Variants in BRD10 observed in about 807,000 individuals in gnomAD.
BRD10 encodes the protein uncharacterized bromodomain-containing protein 10.
the BRD10 span, among the ~76,000 whole-genome samples, chr9:5,976,137 G>A: frequency 6.6e-6 from 1 of 152,148 alleles, no homozygotes; most frequent in African/African-American, 2.4e-5. Context: ...AGCTGGGTAA[G>A]ACTGCTGCCT....
At chr9:5,889,645 T>A in the BRD10 span, among the ~76,000 whole-genome samples, 2 of 152,074 alleles carry the variant, frequency 1.3e-5, no homozygotes, top group East Asian at 3.9e-4. Context: ...ATTTGCCAGG[T>A]GTGGTGGCGT....
chr9:5,901,386 C>A, the BRD10 span, among the ~76,000 whole-genome samples: 1 of 152,152 alleles, frequency 6.6e-6, no homozygotes, highest in Non-Finnish European at 1.5e-5. Flanking sequence ...GTAAGTTTCC[C>A]TTTATCCCTC....
chr9:5,967,921 G>T, the BRD10 span: 1 of 730,856 alleles, frequency 1.4e-6, no homozygotes, highest in Non-Finnish European at 2.2e-6. Flanking sequence ...GCATACATGT[G>T]CATTTTACTC....
the BRD10 span, among the ~76,000 whole-genome samples, chr9:5,990,752 G>A: frequency 6.6e-6 from 1 of 152,220 alleles, no homozygotes; most frequent in Admixed American, 6.5e-5. Context: ...TGGAAAGGAT[G>A]TAAGGAAGGA....
the BRD10 span, chr9:5,920,223 G>A: frequency 6.2e-7 from 1 of 1,612,846 alleles, no homozygotes; most frequent in Non-Finnish European, 8.5e-7. Context: ...CCACTGTTAA[G>A]AACTAAGGGG....
chr9:5,933,719 T>G, the BRD10 span: 1 of 465,862 alleles, frequency 2.1e-6, no homozygotes, highest in African/African-American at 2.0e-5. Flanking sequence ...TGCATCTCTA[T>G]GTATGTGAAA....
At chr9:6,003,024 G>A in the BRD10 span, among the ~76,000 whole-genome samples, 2 of 152,044 alleles carry the variant, frequency 1.3e-5, no homozygotes, top group Non-Finnish European at 2.9e-5. Context: ...AAAATATTCT[G>A]CCAACTAAAA....
the BRD10 span, among the ~76,000 whole-genome samples, chr9:5,959,676 A>G: frequency 2.0e-5 from 3 of 152,188 alleles, no homozygotes; most frequent in African/African-American, 7.2e-5. Context: ...TGCTATCACT[A>G]CAGAACTATA....
the BRD10 span, chr9:6,007,162 C>G: frequency 1.9e-6 from 3 of 1,592,672 alleles, no homozygotes; most frequent in African/African-American, 2.7e-5. Context: ...TTGTGTCAGT[C>G]TGTCAGTCCC....
At chr9:5,934,493 G>C in the BRD10 span, among the ~76,000 whole-genome samples, 1 of 151,162 alleles carries the variant, frequency 6.6e-6, no homozygotes, top group Non-Finnish European at 1.5e-5. Flanking sequence ...CTAGTAGCTA[G>C]AATTACAGAT....
At chr9:5,906,481 A>G in the BRD10 span, among the ~76,000 whole-genome samples, 1 of 152,242 alleles carries the variant, frequency 6.6e-6, no homozygotes, top group Non-Finnish European at 1.5e-5. Context: ...GTTTCCTGCA[A>G]GGCAGGTCTA....
chr9:5,904,798 G>C, the BRD10 span, among the ~76,000 whole-genome samples: 5 of 136,172 alleles, frequency 3.7e-5, no homozygotes, highest in Non-Finnish European at 7.9e-5. Flanking sequence ...TTTTGAGACG[G>C]AGTCTCACTC....
At chr9:5,924,222 G>A in the BRD10 span, among the ~76,000 whole-genome samples, 1 of 152,082 alleles carries the variant, frequency 6.6e-6, no homozygotes, top group African/African-American at 2.4e-5. Context: ...GCAATGACAG[G>A]CCTACAGTTT....
the BRD10 span, among the ~76,000 whole-genome samples, chr9:5,925,305 G>C: frequency 6.7e-6 from 1 of 148,512 alleles, no homozygotes; most frequent in Admixed American, 6.8e-5. Flanking sequence ...GTTGCAGTGA[G>C]CCAAGATCAT....
chr9:5,935,680 T>C, the BRD10 span, among the ~76,000 whole-genome samples: 1 of 152,198 alleles, frequency 6.6e-6, no homozygotes, highest in Admixed American at 6.5e-5. Context: ...TAATGGCATG[T>C]TTATTTGGCA....
At chr9:6,003,941 T>C in the BRD10 span, among the ~76,000 whole-genome samples, 2 of 152,248 alleles carry the variant, frequency 1.3e-5, no homozygotes, top group South Asian at 2.1e-4. Context: ...CTTCCTGAGA[T>C]GCTGAGACTA....
At chr9:5,968,499 C>T in the BRD10 span, 1 of 1,611,862 alleles carries the variant, frequency 6.2e-7, no homozygotes. Flanking sequence ...TTTTTAATTT[C>T]ACAAGGCCTG....
the BRD10 span, among the ~76,000 whole-genome samples, chr9:5,946,330 TGA>T: frequency 6.6e-6 from 1 of 152,040 alleles, no homozygotes; most frequent in Non-Finnish European, 1.5e-5. Flanking sequence ...TTAAACAATT[TGA>T]GAGTAGAAAT....
chr9:5,952,043 A>T, the BRD10 span, among the ~76,000 whole-genome samples: 1 of 151,718 alleles, frequency 6.6e-6, no homozygotes, highest in Non-Finnish European at 1.5e-5. Context: ...TTATTTAGAG[A>T]CAGAGTTTCC....
Sources: allele counts gnomAD v4.1 joint callset (sites outside exome capture counted in the v4.1 genomes callset), GRCh38; gene constraint gnomAD v4.1.1; transcripts MANE v1.5; gene names NCBI Gene and HGNC (gene_info 2026-07-23, HGNC 2026-07-21).